ANO7: variants seen among roughly 807,000 people sequenced by gnomAD.
ANO7 encodes the protein anoctamin-7.
Under a neutral mutation model 115.8 loss-of-function variants are expected in ANO7, and 114 were observed. That is an observed-to-expected ratio of 0.98 (90% confidence interval 0.85 to 1.15). The LOEUF is 1.15. ANO7 is among the 50% of genes most tolerant of loss of function. The pLI, the probability that ANO7 is intolerant of heterozygous loss-of-function variation, is 0.00. For missense variants in ANO7, 1,302 were observed against 1,201.2 expected, an observed-to-expected ratio of 1.08 and a Z score of -1.24; for synonymous variants, 550 against 498.2, an observed-to-expected ratio of 1.10 and a Z score of -1.38.
intron 1 of ANO7, among the ~76,000 whole-genome samples, chr2:241,189,035 G>A (rs990949765): frequency 6.6e-6 from 1 of 152,232 alleles, no homozygotes; most frequent in African/African-American, 2.4e-5. Flanking sequence ...CGTTGGGGTG[G>A]GGGGCATCCC....
At chr2:241,230,213 C>T (rs144621012), downstream of ANO7, 622 of 1,613,234 alleles carry the variant, frequency 3.9e-4, 1 homozygote, top group Non-Finnish European at 4.9e-4. The surrounding 1 kb of genome is among the most constrained non-coding windows in gnomAD (Gnocchi z 5.0). Flanking sequence ...CTGGGAGCCC[C>T]GTCACAGTGA....
the ANO7 span, among the ~76,000 whole-genome samples, chr2:241,237,218 T>C: frequency 6.6e-6 from 1 of 150,952 alleles, no homozygotes; most frequent in Non-Finnish European, 1.5e-5. Flanking sequence ...GGAGAGGCAG[T>C]GGGAAGGGGG....
At chr2:241,229,563 G>A, downstream of ANO7, 1 of 1,503,016 alleles carries the variant, frequency 6.7e-7, no homozygotes, top group Non-Finnish European at 9.2e-7. Context: ...GTTGGGTTTG[G>A]GTCAGCAGGC....
chr2:241,235,032 G>C, the ANO7 span: 2 of 1,498,290 alleles, frequency 1.3e-6, no homozygotes, highest in Middle Eastern at 2.4e-4. Flanking sequence ...CTGGGATGCT[G>C]GGATCCTGAA....
intron 21 of ANO7, among the ~76,000 whole-genome samples, chr2:241,220,189 G>A (rs955591952): frequency 1.3e-5 from 2 of 152,060 alleles, no homozygotes; most frequent in Non-Finnish European, 2.9e-5. Context: ...TTTCAGTAAA[G>A]GTATGTGGTT....
Position 241,200,225 on chromosome 2 carries a change from G to A in ANO7, c.554G>A (p.Arg185His), listed in dbSNP as rs141127554. 76 of 1,612,322 alleles carry A rather than the reference G, an allele frequency of 4.7e-5. No individual in the cohort carries two copies. Among genetic ancestry groups the A allele is most frequent in the African/African-American group, 3.7e-4 (28 of 75,018 alleles). Residue 185 changes from arginine (R) to histidine (H), a missense_variant and splice_region_variant, in exon 6 of 25, where the codon CGC (arginine) becomes CAC (histidine). Arg to His is a conservative substitution (Grantham distance 29). Coordinates refer to ENST00000674324, the MANE Select transcript of ANO7 (RefSeq NM_001370694.2). ...SCRFRVNKLP[R>H]FLGSDNQDTF... is the part of the protein sequence containing the mutation. ...CGGTTCAGAGTGAACAAGCTGCCAC[G>A]GTAAGGCAGGGGCCCTGCCAGTCGG... is the stretch of plus-strand genomic sequence containing the variant.
chr2:241,210,564 C>A lies in ANO7; in HGVS notation c.1555C>A (p.Arg519=). The change falls in exon 15 of 25, where the codon CGA becomes AGA. Residue 519 remains arginine, a synonymous_variant. Coordinates refer to ENST00000674324, the MANE Select transcript of ANO7 (RefSeq NM_001370694.2). ...TGTATCCCTGGCCCACGTCCTGACA[C>A]GATGGGGTGAGTGGGCTGAGGCCGG... is the stretch of plus-strand genomic sequence containing the variant. ...IYVSLAHVLT[R]WEMHRTQTKF... is the part of the protein sequence containing the mutation. 1 of 1,613,540 alleles carries A rather than the reference C, an allele frequency of 6.2e-7. No individual in the cohort carries two copies. The highest frequency in any genetic ancestry group is 8.5e-7 in the Non-Finnish European group (1 of 1,179,882).
rs780382734 is a variant in ANO7, at chr2:241,212,593, C to T, written c.1695C>T (p.Asn565=). ...CTAGGTTTGTGGGATACCCAGGCAA[C>T]TACCACACCTTGTTTGGAGTCCGCA... ...FKGRFVGYPG[N]YHTLFGVRNE... Residue 565 remains asparagine (N), a synonymous_variant, in exon 17 of 25, where the codon AAC becomes AAT. Coordinates refer to ENST00000674324, the MANE Select transcript of ANO7 (RefSeq NM_001370694.2). The T allele has an allele frequency of 3.0e-5, 49 of 1,613,416 alleles. No homozygotes were observed. Among genetic ancestry groups the T allele is most frequent in the Non-Finnish European group, 4.0e-5 (47 of 1,179,798 alleles).
intron 22 of ANO7, 37 bp from the exon 23 acceptor site, chr2:241,223,625 C>T (rs772780398): frequency 6.2e-6 from 10 of 1,603,280 alleles, no homozygotes; most frequent in African/African-American, 5.4e-5. Context: ...CCACTCTGGG[C>T]GTTTGGGTGG....
intron 3 of ANO7, among the ~76,000 whole-genome samples, chr2:241,191,676 C>T (rs2068206450): frequency 6.6e-6 from 1 of 152,166 alleles, no homozygotes; most frequent in Non-Finnish European, 1.5e-5. Context: ...CAGGGGATTG[C>T]ACCAGCACCA....
intron 5 of ANO7, 135 bp downstream of exon 5, chr2:241,199,558 AC>A: frequency 1.2e-6 from 1 of 830,172 alleles, no homozygotes; most frequent in Non-Finnish European, 1.9e-6. Flanking sequence ...CCACCCCGAC[AC>A]CAGGCCCCAA....
Position 241,214,984 on chromosome 2 carries a change from C to T in ANO7, c.1826+82C>T, listed in dbSNP as rs1056220876. On this transcript the variant is annotated intron_variant, in intron 18 of 24. Coordinates refer to ENST00000674324, the MANE Select transcript of ANO7 (RefSeq NM_001370694.2). ...CTGGCAGTAGCAGCCTCCAGCCCGG[C>T]CCTAGCTGGGAGAAGAGGTGAAGGG... 14 of 1,301,388 alleles carry T rather than the reference C, an allele frequency of 1.1e-5. No individual in the cohort carries two copies. In the Admixed American group the frequency reaches 1.7e-4, roughly 16 times the overall value. The allele number at this position is 1,301,388 out of a possible 1,614,324, so 80.6% of individuals were successfully genotyped here. A position where few individuals can be genotyped will look rare whatever the true frequency, so the allele number is the denominator to read the frequency against.
the ANO7 span, chr2:241,236,759 T>G: frequency 6.2e-7 from 1 of 1,614,126 alleles, no homozygotes; most frequent in South Asian, 1.1e-5. Context: ...CAACTGGCTC[T>G]GTACTGTGAA....
chr2:241,200,393 C>T (rs924235120), intron 6 of ANO7, among the ~76,000 whole-genome samples, 168 bp downstream of exon 6: 3 of 152,220 alleles, frequency 2.0e-5, no homozygotes, highest in Admixed American at 6.5e-5. Flanking sequence ...TTCCAAATGC[C>T]GCTGCGTCAG....
chr2:241,233,711 C>T, the ANO7 span: 2 of 1,234,468 alleles, frequency 1.6e-6, no homozygotes, highest in East Asian at 4.7e-5. The surrounding 1 kb of genome is among the most constrained non-coding windows in gnomAD (Gnocchi z 4.3). Flanking sequence ...TTGCCACTCT[C>T]AACTTGGCCC....
intron 4 of ANO7, chr2:241,196,141 C>T: frequency 7.5e-7 from 1 of 1,340,168 alleles, no homozygotes; most frequent in Non-Finnish European, 9.6e-7. Context: ...GTCCCGTCTC[C>T]AACATTAAAG....
At chr2:241,236,252 A>T in the ANO7 span, 3 of 301,600 alleles carry the variant, frequency 9.9e-6, no homozygotes, top group African/African-American at 2.1e-5. Context: ...ACACAAGGTG[A>T]GCTAGGCCTG....
In ANO7 at chr2:241,209,538, C is replaced by A; in HGVS notation, c.1262C>A (p.Thr421Lys). Residue 421 changes from threonine to lysine, a missense_variant, in exon 13 of 25, where the codon ACA becomes AAA. Thr to Lys is a moderately conservative substitution (Grantham distance 78). Transcript: ENST00000674324. ...CAGTTTGCCGCCTCAGCCCCCATGA[C>A]AGCCCCGAACCCCATCACGGGTGAG... ...RPQFAASAPM[T>K]APNPITGEDE... 6.3e-7 allele frequency: 1 copy of A among 1,596,414 alleles called. No homozygotes were observed. The highest frequency in any genetic ancestry group is 8.5e-7 in the Non-Finnish European group (1 of 1,171,972).
At chr2:241,189,670 C>T (rs1244671959) in intron 1 of ANO7, among the ~76,000 whole-genome samples, 1 of 152,098 alleles carries the variant, frequency 6.6e-6, no homozygotes, top group Non-Finnish European at 1.5e-5. Flanking sequence ...TCACATGGCT[C>T]CACCCTACGG....
Sources: gnomAD v4.1 joint callset for allele counts (sites outside exome capture counted in the v4.1 genomes callset) on GRCh38, gnomAD v4.1.1 for gene constraint, Gnocchi (gnomAD v3.1) non-coding constraint, MANE v1.5 for transcripts, NCBI Gene and HGNC (gene_info 2026-07-23, HGNC 2026-07-21) for gene names.